RBMS2: variants seen among roughly 807,000 people sequenced by gnomAD.
RBMS2 encodes RNA-binding motif, single-stranded-interacting protein 2.
RBMS2 carries 38 observed loss-of-function variants against 58.4 expected under a neutral mutation model. That is an observed-to-expected ratio of 0.65 (90% CI 0.50 to 0.85). The LOEUF (loss-of-function observed/expected upper bound fraction) is 0.85, where lower values mean the gene tolerates loss of function less well. RBMS2 is among the 40% of genes least tolerant of loss of function. The pLI is 0.00. For synonymous variants in RBMS2, 151 were observed against 180.7 expected (o/e 0.84, Z 1.32); for missense variants, 367 against 503.7 (o/e 0.73, Z 2.60).
chr12:56,529,556 C>CCAACAA (rs1035362718), intron 1 of RBMS2, among the ~76,000 whole-genome samples: 2 of 151,354 alleles, frequency 1.3e-5, no homozygotes, highest in African/African-American at 4.9e-5. Context: ...AGACTCTGTC[C>CCAACAA]CAACAACAAC....
At chr12:56,534,166 A>T (rs958201519) in intron 1 of RBMS2, among the ~76,000 whole-genome samples, 1 of 148,398 alleles carries the variant, frequency 6.7e-6, no homozygotes, top group Non-Finnish European at 1.5e-5. Context: ...CGATTCATTC[A>T]TGTTGCATAT....
At chr12:56,539,242 C>T (rs1875618209) in intron 1 of RBMS2, among the ~76,000 whole-genome samples, 1 of 152,104 alleles carries the variant, frequency 6.6e-6, no homozygotes, top group Non-Finnish European at 1.5e-5. Flanking sequence ...GTCTGGAACT[C>T]CTGAACTCAA....
intron 5 of RBMS2, among the ~76,000 whole-genome samples, chr12:56,580,968 G>A (rs1883861492): frequency 6.6e-6 from 1 of 152,168 alleles, no homozygotes. Flanking sequence ...TTCCTATGAG[G>A]ATCCCATACA....
chr12:56,539,866 C>G, intron 1 of RBMS2: 1 of 260,146 alleles, frequency 3.8e-6, no homozygotes, highest in Non-Finnish European at 7.7e-6. Flanking sequence ...ACTGAGAGGC[C>G]GGATGCTTCA....
In RBMS2 at chr12:56,595,922, CTT is replaced by C. The variant is rs1448531504; in HGVS notation, c.*6792_*6793del. On this transcript the variant is annotated 3_prime_UTR_variant, in exon 14 of 14. Coordinates refer to ENST00000262031, the MANE Select transcript of RBMS2 (RefSeq NM_002898.4). Reference sequence around the variant, plus strand: ...AGAAGGGAAGATGAATACACAGAGTCTTTTGAATCTCTATCAAATGTGGTTTT... The same window carrying C: ...AGAAGGGAAGATGAATACACAGAGTCTTGAATCTCTATCAAATGTGGTTTT... The C allele has an allele frequency of 3.1e-5, 1 of 32,212 alleles. No homozygotes were observed. Among genetic ancestry groups the C allele is most frequent in the African/African-American group, 1.0e-4 (1 of 9,654 alleles). The allele number at this position is 32,212 out of a possible 1,614,324, so 2.0% of individuals were successfully genotyped here. A position where few individuals can be genotyped will look rare whatever the true frequency, so the allele number is the denominator to read the frequency against.
At chr12:56,540,877 G>A (rs1875957747) in intron 1 of RBMS2, among the ~76,000 whole-genome samples, 1 of 152,114 alleles carries the variant, frequency 6.6e-6, no homozygotes, top group South Asian at 2.1e-4. Context: ...AAGGCAGGAG[G>A]ATCACTTGAA....
chr12:56,589,459 T>C lies in RBMS2; in HGVS notation c.*326T>C. Reference sequence around the variant, plus strand: ...ACTTTTCCCCTACCTTGAAGAGACATGGTGGTCGCAGCTTCTCATCTATAT... The same window carrying C: ...ACTTTTCCCCTACCTTGAAGAGACACGGTGGTCGCAGCTTCTCATCTATAT... On this transcript the variant is annotated 3_prime_UTR_variant, in exon 14 of 14. Coordinates refer to ENST00000262031, the MANE Select transcript of RBMS2 (RefSeq NM_002898.4). 2.7e-6 allele frequency: 1 copy of C among 374,080 alleles called. No individual in the cohort carries two copies. Among genetic ancestry groups the C allele is most frequent in the Non-Finnish European group, 4.2e-6 (1 of 236,000 alleles). The allele number at this position is 374,080 out of a possible 1,614,324, so 23.2% of individuals were successfully genotyped here.
intron 1 of RBMS2, among the ~76,000 whole-genome samples, chr12:56,555,801 G>A (rs1268669008): frequency 4.6e-5 from 7 of 151,930 alleles, no homozygotes; most frequent in Non-Finnish European, 1.0e-4. Context: ...ATGTTGCCCA[G>A]GCTGGTCTCA....
intron 1 of RBMS2, among the ~76,000 whole-genome samples, chr12:56,530,505 C>T (rs1873535528): frequency 6.6e-6 from 1 of 151,784 alleles, no homozygotes; most frequent in Non-Finnish European, 1.5e-5. Flanking sequence ...GGACTACTGG[C>T]TCACGCCATC....
intron 5 of RBMS2, among the ~76,000 whole-genome samples, chr12:56,575,948 A>G (rs898419671): frequency 1.3e-5 from 2 of 152,058 alleles, no homozygotes; most frequent in Non-Finnish European, 2.9e-5. Flanking sequence ...TTTACTTTCT[A>G]TGGTTTCAGT....
chr12:56,585,057 A>G (rs1884503453), intron 9 of RBMS2, among the ~76,000 whole-genome samples: 1 of 152,116 alleles, frequency 6.6e-6, no homozygotes, highest in African/African-American at 2.4e-5. Context: ...TCCCAACCTC[A>G]GGTGATCCAC....
intron 1 of RBMS2, among the ~76,000 whole-genome samples, chr12:56,544,774 T>TTTTTTTTAG: frequency 6.7e-6 from 1 of 148,950 alleles, no homozygotes; most frequent in African/African-American, 2.5e-5. Context: ...TTTTCTTTTT[T>TTTTTTTTAG]GTAGAGCTGG....
At chr12:56,573,429 A>G (rs940127538) in intron 5 of RBMS2, among the ~76,000 whole-genome samples, 3 of 141,278 alleles carry the variant, frequency 2.1e-5, no homozygotes, top group African/African-American at 7.8e-5. Flanking sequence ...GTAAGCCGAG[A>G]TCGCGCCATT....
At chr12:56,585,051 A>G (rs1274048447) in intron 9 of RBMS2, among the ~76,000 whole-genome samples, 1 of 151,970 alleles carries the variant, frequency 6.6e-6, no homozygotes, top group Non-Finnish European at 1.5e-5. Flanking sequence ...TCAAACTCCC[A>G]ACCTCAGGTG....
At chr12:56,539,650 T>C (rs1187653234) in intron 1 of RBMS2, 1 of 450,846 alleles carries the variant, frequency 2.2e-6, no homozygotes, top group African/African-American at 2.0e-5. Context: ...GACAGTATTT[T>C]TACATACCAG....
rs1409279085 is a variant in RBMS2 at position 56,589,015 on chromosome 12, G to GT, written c.*4dup. On this transcript the variant is annotated 3_prime_UTR_variant, in exon 13 of 14. Coordinates refer to ENST00000262031, the MANE Select transcript of RBMS2 (RefSeq NM_002898.4). ...ATTCTTTCCAGTTCAACAAGTAACA[G>GT]TGGGTAAGAACCACATGCTGGGGGG... 6.2e-7 allele frequency: 1 copy of GT among 1,614,224 alleles called. No homozygotes were observed. The highest frequency in any genetic ancestry group is 1.7e-5 in the Admixed American group (1 of 60,022).
intron 2 of RBMS2, among the ~76,000 whole-genome samples, chr12:56,564,131 T>TG (rs1257057805): frequency 6.6e-6 from 1 of 151,924 alleles, no homozygotes; most frequent in African/African-American, 2.4e-5. Context: ...TTTTTTTTTT[T>TG]GCTAGAGATG....
chr12:56,581,610 T>G lies in RBMS2; in HGVS notation c.732+102T>G. 3 of 1,284,130 alleles carry G rather than the reference T, an allele frequency of 2.3e-6. No homozygotes were observed. In the East Asian group the frequency reaches 7.1e-5, roughly 30 times the overall value. 79.5% of individuals were successfully genotyped at this position (1,284,130 alleles called of 1,614,324 possible). On this transcript the variant is annotated intron_variant, in intron 7 of 13. Coordinates refer to ENST00000262031, the MANE Select transcript of RBMS2 (RefSeq NM_002898.4). ...GAGCTTAGGTGGAAAGCTTGAGAGC[T>G]ACAGTACGTAATTGAGAAATGCTGG...
chr12:56,564,056 C>T (rs1389383579), intron 2 of RBMS2, among the ~76,000 whole-genome samples: 2 of 151,236 alleles, frequency 1.3e-5, no homozygotes, highest in African/African-American at 4.9e-5. Context: ...TTTTTTAAGA[C>T]TGAGTCTCAG....
Sources: allele counts gnomAD v4.1 joint callset (sites outside exome capture counted in the v4.1 genomes callset), GRCh38; gene constraint gnomAD v4.1.1; transcripts MANE v1.5; gene names NCBI Gene and HGNC (gene_info 2026-07-23, HGNC 2026-07-21).